PPHLN1: variants seen among roughly 807,000 people sequenced by gnomAD.
PPHLN1 encodes periphilin-1.
A neutral mutation model predicts 51.3 loss-of-function variants in PPHLN1; 29 were observed. The observed-to-expected ratio is 0.57, with a 90% CI of 0.42 to 0.77. The LOEUF (loss-of-function observed/expected upper bound fraction) is 0.77, where lower values mean the gene tolerates loss of function less well. Among genes scored for constraint, PPHLN1 ranks in the 30% least tolerant of loss-of-function variants. PPHLN1 has a pLI of 0.00. For missense variants in PPHLN1, 436 were observed against 438.4 expected, an observed-to-expected ratio of 0.99 and a Z score of 0.05; for synonymous variants, 147 against 147.8, an observed-to-expected ratio of 0.99 and a Z score of 0.04.
intron 4 of PPHLN1, among the ~76,000 whole-genome samples, chr12:42,369,766 A>G (rs1430258669): frequency 1.3e-5 from 2 of 152,150 alleles, no homozygotes; most frequent in Admixed American, 6.6e-5. Flanking sequence ...GAGTTCGGGC[A>G]TATTTCTTCC....
chr12:42,425,081 T>TGTAC (rs924515034), intron 9 of PPHLN1, among the ~76,000 whole-genome samples: 5 of 151,314 alleles, frequency 3.3e-5, no homozygotes, highest in South Asian at 2.1e-4. Flanking sequence ...TATGTATGTA[T>TGTAC]GTACTTGTTT....
chr12:42,442,856 A>G (rs1191676256), downstream of PPHLN1: 22 of 1,490,000 alleles, frequency 1.5e-5, no homozygotes, highest in Non-Finnish European at 1.8e-5. Context: ...AAGTATTGAA[A>G]CAACTGCTTA....
At chr12:42,400,798 T>TTCTCACACA (rs1555209232) in intron 9 of PPHLN1, among the ~76,000 whole-genome samples, 3 of 142,630 alleles carry the variant, frequency 2.1e-5, no homozygotes, top group African/African-American at 7.9e-5. Flanking sequence ...TCTCTCTCTT[T>TTCTCACACA]CACACACACA....
Position 42,374,845 on chromosome 12 carries a change from T to G in PPHLN1, c.300-18T>G. ...TAGAGTATAATTAACTTATTTTATGTTTTTTTTTTTTTCAAAGGGACATGA... is the reference window on the plus strand; with the variant it reads ...TAGAGTATAATTAACTTATTTTATGGTTTTTTTTTTTTCAAAGGGACATGA... On this transcript the variant is annotated intron_variant, in intron 4 of 9. Transcript: ENST00000358314. 2.0e-6 allele frequency: 2 copies of G among 984,896 alleles called. No homozygotes were observed. The highest frequency in any genetic ancestry group is 2.7e-6 in the Non-Finnish European group (2 of 735,132). 61.0% of individuals were successfully genotyped at this position (984,896 alleles called of 1,614,324 possible). A position where few individuals can be genotyped will look rare whatever the true frequency, so the allele number is the denominator to read the frequency against.
chr12:42,422,121 C>A (rs934080212), intron 9 of PPHLN1, among the ~76,000 whole-genome samples: 2 of 152,120 alleles, frequency 1.3e-5, no homozygotes, highest in Non-Finnish European at 2.9e-5. Context: ...ATGTAATCAT[C>A]CCTTTTAAAA....
intron 4 of PPHLN1, among the ~76,000 whole-genome samples, chr12:42,365,491 G>A (rs559262557): frequency 1.4e-4 from 21 of 152,260 alleles, no homozygotes; most frequent in African/African-American, 5.1e-4. Context: ...CTGACACTGA[G>A]GGTTCTATCA....
intron 9 of PPHLN1, among the ~76,000 whole-genome samples, chr12:42,424,610 G>C (rs1400629677): frequency 1.3e-5 from 2 of 152,132 alleles, no homozygotes; most frequent in East Asian, 3.8e-4. Context: ...GTTGAGGAGG[G>C]AGCAGCTAAA....
chr12:42,356,852 C>T (rs980598355), intron 4 of PPHLN1, among the ~76,000 whole-genome samples: 3 of 151,630 alleles, frequency 2.0e-5, no homozygotes, highest in African/African-American at 4.8e-5. Flanking sequence ...TACAGTAAAG[C>T]GAAAAATAAA....
At chr12:42,365,694 C>T (rs1449323928) in intron 4 of PPHLN1, among the ~76,000 whole-genome samples, 1 of 152,178 alleles carries the variant, frequency 6.6e-6, no homozygotes, top group Non-Finnish European at 1.5e-5. Flanking sequence ...CTCCATTCTC[C>T]TGATGACTTT....
At chr12:42,431,941 G>T in intron 9 of PPHLN1, 1 of 1,508,928 alleles carries the variant, frequency 6.6e-7, no homozygotes, top group Non-Finnish European at 9.2e-7. Context: ...ATGACGATTA[G>T]TACTGTGATG....
At chr12:42,418,639 G>A (rs955790317) in intron 9 of PPHLN1, among the ~76,000 whole-genome samples, 18 of 151,904 alleles carry the variant, frequency 1.2e-4, no homozygotes, top group African/African-American at 4.1e-4. Context: ...CTTCTACTAA[G>A]CATTCTCTCT....
At chr12:42,397,497 T>C (rs575415872) in intron 8 of PPHLN1, among the ~76,000 whole-genome samples, 17 of 152,248 alleles carry the variant, frequency 1.1e-4, no homozygotes, top group Admixed American at 2.0e-4. Context: ...TTCTGAAAGC[T>C]CCTGTCTTCT....
chr12:42,356,987 T>G (rs1022644981), intron 4 of PPHLN1, among the ~76,000 whole-genome samples: 1 of 152,184 alleles, frequency 6.6e-6, no homozygotes, highest in Non-Finnish European at 1.5e-5. Context: ...TGTAATAAGA[T>G]CAACTATCAG....
chr12:42,430,907 A>C (rs1212295524), intron 9 of PPHLN1, among the ~76,000 whole-genome samples: 1 of 152,236 alleles, frequency 6.6e-6, no homozygotes, highest in African/African-American at 2.4e-5. Flanking sequence ...TAAAAAAGAT[A>C]CTCTACTGAA....
At chr12:42,439,130 G>A (rs1032167682) in intron 9 of PPHLN1, among the ~76,000 whole-genome samples, 4 of 152,104 alleles carry the variant, frequency 2.6e-5, no homozygotes, top group African/African-American at 9.7e-5. Context: ...AGATCACCTA[G>A]ATTTTTTCCT....
intron 4 of PPHLN1, among the ~76,000 whole-genome samples, chr12:42,373,251 T>TA: frequency 6.6e-6 from 1 of 152,258 alleles, no homozygotes; most frequent in Non-Finnish European, 1.5e-5. Context: ...CCACTCTGGC[T>TA]AACCAGTGCT....
chr12:42,347,539 G>A (rs553656364), intron 2 of PPHLN1, among the ~76,000 whole-genome samples: 16 of 152,298 alleles, frequency 1.1e-4, no homozygotes, highest in South Asian at 6.2e-4. Context: ...CAGCACTTTG[G>A]GAGGCGTAGG....
At chr12:42,426,850 T>C (rs1370939810) in intron 9 of PPHLN1, among the ~76,000 whole-genome samples, 1 of 152,146 alleles carries the variant, frequency 6.6e-6, no homozygotes, top group Non-Finnish European at 1.5e-5. Context: ...CAGAAGATAA[T>C]GCGACCTATA....
intron 6 of PPHLN1, 26 bp from the exon 7 acceptor site, chr12:42,387,430 A>G (rs773598547): frequency 1.5e-5 from 24 of 1,570,386 alleles, no homozygotes; most frequent in Non-Finnish European, 1.9e-5. Flanking sequence ...TAGAAAAAAA[A>G]TTACATCTTA....
Sources: allele counts gnomAD v4.1 joint callset (sites outside exome capture counted in the v4.1 genomes callset), GRCh38; gene constraint gnomAD v4.1.1; transcripts MANE v1.5; gene names NCBI Gene and HGNC (gene_info 2026-07-23, HGNC 2026-07-21).